EXOC4: variants seen among roughly 807,000 people sequenced by gnomAD.
EXOC4 encodes the protein SEC8-like 1.
In EXOC4, 71 loss-of-function variants were observed where a neutral mutation model predicts 107.2. The ratio of observed to expected loss-of-function variants is 0.66; its 90% confidence interval spans 0.55 to 0.81. The LOEUF (loss-of-function observed/expected upper bound fraction) is 0.81, where lower values mean the gene tolerates loss of function less well. EXOC4 is among the 30% of genes least tolerant of loss of function. The pLI is 0.00. For synonymous variants in EXOC4, 456 were observed against 441.2 expected (o/e 1.03, Z -0.42); for missense variants, 1,108 against 1,189.6 (o/e 0.93, Z 1.01).
chr7:133,719,338 G>A, intron 10 of EXOC4, among the ~76,000 whole-genome samples: 1 of 152,086 alleles, frequency 6.6e-6, no homozygotes, highest in East Asian at 1.9e-4. Flanking sequence ...TTTATTAGCA[G>A]CATGAAAACG....
At chr7:133,914,945 T>C (rs1175461191) in intron 12 of EXOC4, among the ~76,000 whole-genome samples, 1 of 152,054 alleles carries the variant, frequency 6.6e-6, no homozygotes. Flanking sequence ...TCTAAAACAT[T>C]CAAGGAGATA....
intron 7 of EXOC4, among the ~76,000 whole-genome samples, chr7:133,426,149 T>G (rs1335557680): frequency 6.6e-6 from 1 of 152,196 alleles, no homozygotes; most frequent in Non-Finnish European, 1.5e-5. Flanking sequence ...AGCACCCACT[T>G]CCCGTAGATG....
intron 9 of EXOC4, among the ~76,000 whole-genome samples, chr7:133,558,206 C>CTTTTCTTTTCTTTTTT (rs1563107409): frequency 7.4e-6 from 1 of 134,382 alleles, no homozygotes; most frequent in African/African-American, 3.3e-5. Flanking sequence ...CTTTTCTTTT[C>CTTTTCTTTTCTTTTTT]TTTTCTTTTC....
rs561424724 is a variant in EXOC4 at position 133,998,554 on chromosome 7, T to C, written c.2348+921T>C. Among the ~76,000 whole-genome samples the C allele has an allele frequency of 3.9e-5, 6 of 152,226 alleles. No homozygotes were observed. In the East Asian group the frequency reaches 1.2e-3, roughly 29 times the overall value. On this transcript the variant is annotated intron_variant, in intron 15 of 17. Transcript: ENST00000253861. ...TTTAAGAGCAGAGAGGAGGCTGATA[T>C]GCTTGTAGGCTGATGAACAAGCTGG... is the stretch of plus-strand genomic sequence containing the variant.
intron 10 of EXOC4, among the ~76,000 whole-genome samples, chr7:133,786,256 C>T (rs1003916205): frequency 3.3e-5 from 5 of 152,166 alleles, no homozygotes; most frequent in Admixed American, 6.5e-5. Flanking sequence ...TGGGTCATTA[C>T]GGAGACCCAG....
chr7:133,574,856 G>C (rs1384637058), intron 9 of EXOC4, among the ~76,000 whole-genome samples: 1 of 152,110 alleles, frequency 6.6e-6, no homozygotes, highest in Non-Finnish European at 1.5e-5. Flanking sequence ...ACCTCTTAAC[G>C]GTTAAGAGTG....
chr7:133,882,655 G>A (rs1008346938), intron 11 of EXOC4, among the ~76,000 whole-genome samples: 2 of 152,158 alleles, frequency 1.3e-5, no homozygotes, highest in African/African-American at 4.8e-5. Flanking sequence ...GCTAAGACCC[G>A]AAAGAGAAAC....
At chr7:133,427,939 G>A (rs1797765397) in intron 7 of EXOC4, among the ~76,000 whole-genome samples, 1 of 152,154 alleles carries the variant, frequency 6.6e-6, no homozygotes, top group Non-Finnish European at 1.5e-5. Context: ...CCTTATTACA[G>A]AAAAAGATGA....
intron 11 of EXOC4, among the ~76,000 whole-genome samples, chr7:133,884,608 T>TGTGTGTGTGTGTGTGC: frequency 6.6e-6 from 1 of 151,404 alleles, no homozygotes; most frequent in East Asian, 1.9e-4. Flanking sequence ...TGTGTGTGTG[T>TGTGTGTGTGTGTGTGC]GTGTGTGTGT....
chr7:133,878,121 A>G (rs1035204530), intron 11 of EXOC4, among the ~76,000 whole-genome samples: 1 of 152,196 alleles, frequency 6.6e-6, no homozygotes, highest in Non-Finnish European at 1.5e-5. Flanking sequence ...CATTTTCTTC[A>G]TTATCATTAA....
intron 9 of EXOC4, among the ~76,000 whole-genome samples, chr7:133,522,457 T>C (rs2150911650): frequency 6.6e-6 from 1 of 152,266 alleles, no homozygotes; most frequent in East Asian, 1.9e-4. Flanking sequence ...TATAAGGCAA[T>C]TGAAGTCATT....
In EXOC4 at chr7:133,865,268, A is replaced by C. The variant is rs377493514; in HGVS notation, c.1735-30331A>C. 3.9e-5 allele frequency among the ~76,000 whole-genome samples: 6 copies of C among 152,196 alleles called. No individual in the cohort carries two copies. The East Asian group carries it at 1.2e-3, about 29-fold the overall frequency. On this transcript the variant is annotated intron_variant, in intron 11 of 17. Transcript: ENST00000253861. ...AATGAAGAATAAGAAATTCATTGGC[A>C]GTGCATTGAAACAAACAGATGAATA...
At chr7:133,605,930 ACTAG>A (rs749829114) in intron 9 of EXOC4, among the ~76,000 whole-genome samples, 65 of 152,142 alleles carry the variant, frequency 4.3e-4, no homozygotes, top group Non-Finnish European at 1.0e-4. Flanking sequence ...CCCCAGAAGG[ACTAG>A]CTAGTGTGTC....
rs570658934 is a variant in EXOC4 at position 133,838,398 on chromosome 7, T to A, written c.1734+20854T>A. Among the ~76,000 whole-genome samples the A allele has an allele frequency of 2.4e-4, 36 of 152,308 alleles. 1 individual carries two copies. In the South Asian group the frequency reaches 7.0e-3, roughly 30 times the overall value. On this transcript the variant is annotated intron_variant, in intron 11 of 17. Coordinates refer to ENST00000253861, the MANE Select transcript of EXOC4 (RefSeq NM_021807.4). The stretch of plus-strand genomic sequence containing the variant: ...CCCTTCATCTGCAATATTAATGTGT[T>A]CCCTAATTTGTAATCCACTTCCTTT...
Position 134,031,781 on chromosome 7 carries a change from A to G in EXOC4, c.2687+23946A>G, listed in dbSNP as rs148638096. On this transcript the variant is annotated intron_variant, in intron 17 of 17. Coordinates refer to ENST00000253861, the MANE Select transcript of EXOC4 (RefSeq NM_021807.4). The stretch of plus-strand genomic sequence containing the variant: ...GAATCTAAGACTCCATTATAAACCC[A>G]TGAAGTTAAGAAGAGCTAAAGAAGC... 2.7e-4 allele frequency among the ~76,000 whole-genome samples: 41 copies of G among 152,374 alleles called. 1 individual carries two copies. Among genetic ancestry groups the G allele is most frequent in the African/African-American group, 8.4e-4 (35 of 41,584 alleles).
intron 5 of EXOC4, among the ~76,000 whole-genome samples, chr7:133,340,140 G>C (rs936685968): frequency 5.9e-5 from 9 of 152,210 alleles, no homozygotes; most frequent in African/African-American, 2.2e-4. Flanking sequence ...TATGTTGGCT[G>C]TGGGTTTGTC....
chr7:133,591,876 A>T (rs978654840), intron 9 of EXOC4, among the ~76,000 whole-genome samples: 1 of 152,174 alleles, frequency 6.6e-6, no homozygotes, highest in South Asian at 2.1e-4. Context: ...AGGTAGATAC[A>T]CATGGAGCAG....
chr7:133,438,271 A>C (rs1193069031), intron 7 of EXOC4, among the ~76,000 whole-genome samples: 8 of 152,160 alleles, frequency 5.3e-5, no homozygotes, highest in African/African-American at 1.9e-4. Context: ...TTGCACACTG[A>C]TGGAATTAAT....
intron 2 of EXOC4, among the ~76,000 whole-genome samples, chr7:133,286,912 A>G (rs753485285): frequency 1.1e-4 from 16 of 152,124 alleles, no homozygotes; most frequent in African/African-American, 9.7e-5. Flanking sequence ...AATTTGGCCA[A>G]TGCTGTGGGG....
Sources: gnomAD v4.1 joint callset for allele counts (sites outside exome capture counted in the v4.1 genomes callset) on GRCh38, gnomAD v4.1.1 for gene constraint, MANE v1.5 for transcripts, NCBI Gene and HGNC (gene_info 2026-07-23, HGNC 2026-07-21) for gene names.